The following MAGI2 variants were observed in gnomAD, a reference collection of about 807,000 sequenced individuals.
MAGI2 encodes the protein membrane associated guanylate kinase, WW and PDZ domain containing 2.
MAGI2 carries 35 observed loss-of-function variants against 133.3 expected under a neutral mutation model. The ratio of observed to expected loss-of-function variants is 0.26; its 90% CI spans 0.20 to 0.35. The LOEUF (loss-of-function observed/expected upper bound fraction) is 0.35. Among genes scored for constraint, MAGI2 ranks in the 10% least tolerant of loss-of-function variants. MAGI2 has a pLI of 1.00. For synonymous variants in MAGI2, 729 were observed against 710.6 expected (o/e 1.03, Z -0.41); for missense variants, 1,636 against 1,863.4 (o/e 0.88, Z 2.25).
chr7:78,956,330 C>T (rs1021712283), intron 2 of MAGI2, among the ~76,000 whole-genome samples: 2 of 152,110 alleles, frequency 1.3e-5, no homozygotes, highest in African/African-American at 4.8e-5. Context: ...GCAATTCTGT[C>T]TCTGAAATGT....
At chr7:78,101,180 T>C (rs1818180977) in intron 20 of MAGI2, among the ~76,000 whole-genome samples, 1 of 152,202 alleles carries the variant, frequency 6.6e-6, no homozygotes, top group African/African-American at 2.4e-5. Flanking sequence ...AATGGCATTT[T>C]TCACAAAAAT....
chr7:78,041,569 G>A (rs1563041792), intron 21 of MAGI2, among the ~76,000 whole-genome samples: 1 of 152,166 alleles, frequency 6.6e-6, no homozygotes, highest in Non-Finnish European at 1.5e-5. Flanking sequence ...TAGCTACTAG[G>A]GAGAATGAGG....
At chr7:78,761,791 G>A (rs902184703) in intron 2 of MAGI2, among the ~76,000 whole-genome samples, 1 of 151,918 alleles carries the variant, frequency 6.6e-6, no homozygotes, top group African/African-American at 2.4e-5. Flanking sequence ...GTTGAGGCCC[G>A]AAATTCTGCT....
In MAGI2 at chr7:78,274,425, A is replaced by T. The variant is rs547549521; in HGVS notation, c.1409-17844T>A. ...CAGGATACACAGGGGTCAGGGACCC[A>T]CTTGAGGAGGCAGTCTGTCCCTTAA... On this transcript the variant is annotated intron_variant, in intron 9 of 21. Coordinates refer to ENST00000354212, the MANE Select transcript of MAGI2 (RefSeq NM_012301.4). Among the ~76,000 whole-genome samples the T allele has an allele frequency of 6.6e-5, 10 of 152,276 alleles. 1 individual carries two copies. In the South Asian group the frequency reaches 2.1e-3, roughly 32 times the overall value.
At chr7:79,397,473 AT>A (rs1845143975) in intron 1 of MAGI2, among the ~76,000 whole-genome samples, 1 of 151,960 alleles carries the variant, frequency 6.6e-6, no homozygotes, top group South Asian at 2.1e-4. Flanking sequence ...ATTTCTGATT[AT>A]TTCCAGAGGT....
chr7:79,152,218 C>T (rs1288013375), intron 1 of MAGI2, among the ~76,000 whole-genome samples: 1 of 152,116 alleles, frequency 6.6e-6, no homozygotes, highest in African/African-American at 2.4e-5. Context: ...ATTGAAACAT[C>T]ACTAGAGAAA....
chr7:78,399,406 T>C (rs10232267), intron 6 of MAGI2, among the ~76,000 whole-genome samples: 1 of 152,138 alleles, frequency 6.6e-6, no homozygotes, highest in African/African-American at 2.4e-5. Flanking sequence ...AAAAATGTTT[T>C]TGAACACAGT....
At chr7:78,568,531 T>A (rs779239664) in intron 3 of MAGI2, among the ~76,000 whole-genome samples, 4 of 152,202 alleles carry the variant, frequency 2.6e-5, no homozygotes, top group Non-Finnish European at 5.9e-5. Context: ...ATGTATTTTC[T>A]TTTGCTTACA....
intron 2 of MAGI2, among the ~76,000 whole-genome samples, chr7:78,675,150 CTT>C (rs1814868382): frequency 6.6e-6 from 1 of 152,082 alleles, no homozygotes; most frequent in South Asian, 2.1e-4. Flanking sequence ...AACACATACT[CTT>C]TAGTTTTTAT....
intron 9 of MAGI2, among the ~76,000 whole-genome samples, chr7:78,288,380 TTAAAG>T (rs1255242565): frequency 1.3e-5 from 2 of 152,220 alleles, no homozygotes; most frequent in Non-Finnish European, 2.9e-5. Flanking sequence ...TAATTCAAAA[TTAAAG>T]TAATCATGTA....
intron 4 of MAGI2, among the ~76,000 whole-genome samples, chr7:78,516,535 T>C (rs1796058527): frequency 1.3e-5 from 2 of 152,150 alleles, no homozygotes; most frequent in Admixed American, 1.3e-4. Context: ...ATATTTTTTG[T>C]AGACACAGGA....
At chr7:78,161,586 C>T (rs907219304) in intron 15 of MAGI2, among the ~76,000 whole-genome samples, 12 of 136,488 alleles carry the variant, frequency 8.8e-5, no homozygotes, top group Non-Finnish European at 1.8e-4. Context: ...CTTAACCTTA[C>T]AAGCTGCAAT....
chr7:78,345,226 T>C (rs1292028361), intron 8 of MAGI2, among the ~76,000 whole-genome samples: 1 of 152,220 alleles, frequency 6.6e-6, no homozygotes, highest in Non-Finnish European at 1.5e-5. Flanking sequence ...ATGTTTATAG[T>C]TGGAGATAAG....
At chr7:79,268,483 C>T (rs1045048104) in intron 1 of MAGI2, among the ~76,000 whole-genome samples, 5 of 152,306 alleles carry the variant, frequency 3.3e-5, no homozygotes, top group Non-Finnish European at 2.9e-5. Flanking sequence ...GTTGGAAACG[C>T]TAACCTTTAA....
chr7:78,896,729 G>T lies in MAGI2; in HGVS notation c.418+110361C>A, dbSNP rs536306590. Among the ~76,000 whole-genome samples the T allele has an allele frequency of 8.6e-4, 131 of 151,560 alleles. 1 individual carries two copies. The highest frequency in any genetic ancestry group is 3.1e-3 in the African/African-American group (129 of 41,276). Reference sequence around the variant, plus strand: ...ACTACAGATGCGTGCCACTACGCCCGGCTACTGTTTTGTATTTTTAGTAGA... The same window carrying T: ...ACTACAGATGCGTGCCACTACGCCCTGCTACTGTTTTGTATTTTTAGTAGA... On this transcript the variant is annotated intron_variant, in intron 2 of 21. Transcript: ENST00000354212.
At chr7:78,396,721 A>G (rs562114698) in intron 6 of MAGI2, among the ~76,000 whole-genome samples, 14 of 152,268 alleles carry the variant, frequency 9.2e-5, no homozygotes, top group Admixed American at 4.6e-4. Flanking sequence ...CAATCAATGG[A>G]TAAGTGTGAA....
At chr7:78,785,234 A>T (rs993634005) in intron 2 of MAGI2, among the ~76,000 whole-genome samples, 1 of 152,202 alleles carries the variant, frequency 6.6e-6, no homozygotes, top group Non-Finnish European at 1.5e-5. Context: ...TCTACATCCA[A>T]GGAATGCTTT....
chr7:79,007,517 C>T (rs895820435), intron 1 of MAGI2, among the ~76,000 whole-genome samples: 5 of 152,086 alleles, frequency 3.3e-5, no homozygotes, highest in Admixed American at 2.6e-4. Flanking sequence ...TAGTACATCT[C>T]ATTGCATGGC....
At chr7:78,069,573 G>T (rs888680608) in intron 21 of MAGI2, among the ~76,000 whole-genome samples, 1 of 110,394 alleles carries the variant, frequency 9.1e-6, no homozygotes, top group Non-Finnish European at 1.9e-5. Context: ...AGAGAGAGAG[G>T]CTTCTGATTC....
Sources: gnomAD v4.1 joint callset for allele counts (sites outside exome capture counted in the v4.1 genomes callset) on GRCh38, gnomAD v4.1.1 for gene constraint, MANE v1.5 for transcripts, NCBI Gene and HGNC (gene_info 2026-07-23, HGNC 2026-07-21) for gene names.